AUTS2: variants seen among roughly 807,000 people sequenced by gnomAD.
The protein encoded by AUTS2 is activator of transcription and developmental regulator AUTS2, also known as autism susceptibility gene 2 protein.
AUTS2 carries 17 observed loss-of-function variants against 112.4 expected under a neutral mutation model. The observed-to-expected ratio is 0.15, with a 90% CI of 0.10 to 0.23. The LOEUF (loss-of-function observed/expected upper bound fraction) is 0.23. Ranked by LOEUF, AUTS2 falls within the 10% of genes least tolerant of loss-of-function variation. The pLI is 1.00. For synonymous variants in AUTS2, 751 were observed against 702.7 expected (o/e 1.07, Z -1.09); for missense variants, 1,510 against 1,701.6 (o/e 0.89, Z 1.98).
intron 5 of AUTS2, chr7:70,436,915 T>C (rs1795916548): frequency 6.6e-6 from 1 of 152,244 alleles, no homozygotes. Context: ...CAAATGGTGC[T>C]TATTTGATTT....
At chr7:69,910,785 G>A (rs1349780477) in intron 2 of AUTS2, among the ~76,000 whole-genome samples, 2 of 152,038 alleles carry the variant, frequency 1.3e-5, no homozygotes, top group African/African-American at 2.4e-5. Flanking sequence ...CTGCCACCAC[G>A]CCCAGCGAAT....
intron 6 of AUTS2, among the ~76,000 whole-genome samples, chr7:70,736,722 C>T (rs955302327): frequency 6.6e-6 from 1 of 152,198 alleles, no homozygotes; most frequent in Admixed American, 6.5e-5. Context: ...GAATGAGGAA[C>T]AACAGTGCTG....
intron 4 of AUTS2, among the ~76,000 whole-genome samples, chr7:70,166,537 T>C (rs886724185): frequency 2.0e-5 from 3 of 152,088 alleles, no homozygotes; most frequent in African/African-American, 7.2e-5. Context: ...CATGAAATAG[T>C]ATAATAACAT....
chr7:69,799,375 C>G (rs773632293), intron 1 of AUTS2, among the ~76,000 whole-genome samples: 1 of 152,168 alleles, frequency 6.6e-6, no homozygotes, highest in East Asian at 1.9e-4. Context: ...GTCCTCCCAC[C>G]TCTACCTTCT....
At chr7:70,633,627 A>G (rs896190421) in intron 5 of AUTS2, among the ~76,000 whole-genome samples, 47 of 151,688 alleles carry the variant, frequency 3.1e-4, no homozygotes, top group Middle Eastern at 6.8e-3. Context: ...AAAAAAAAAA[A>G]AAGGACAGAA....
At chr7:70,413,071 G>C (rs1158557449) in intron 4 of AUTS2, among the ~76,000 whole-genome samples, 4 of 152,196 alleles carry the variant, frequency 2.6e-5, no homozygotes, top group Non-Finnish European at 5.9e-5. Context: ...GCCAGCACTG[G>C]GGAACTGGGA....
At chr7:70,252,584 A>C (rs1638829023) in intron 4 of AUTS2, among the ~76,000 whole-genome samples, 1 of 152,036 alleles carries the variant, frequency 6.6e-6, no homozygotes, top group Non-Finnish European at 1.5e-5. Flanking sequence ...TTTTTTTGCC[A>C]TGAAGAAGAT....
chr7:70,256,044 C>G (rs1034642737), intron 4 of AUTS2, among the ~76,000 whole-genome samples: 2 of 152,120 alleles, frequency 1.3e-5, no homozygotes, highest in Non-Finnish European at 2.9e-5. Context: ...TATGGTGTTT[C>G]CATTTGTGGC....
rs1365992412 is a variant in AUTS2, at chr7:70,353,717, C to T, written c.661-82035C>T. On this transcript the variant is annotated intron_variant, in intron 4 of 18. Coordinates refer to ENST00000342771, the MANE Select transcript of AUTS2 (RefSeq NM_015570.4). ...CACTTGAGTCTTTTCTCTGAGCACACACACATGGCCCAGACTCACTGTCAG... is the reference window on the plus strand; with the variant it reads ...CACTTGAGTCTTTTCTCTGAGCACATACACATGGCCCAGACTCACTGTCAG... Among the ~76,000 whole-genome samples the T allele has an allele frequency of 2.0e-5, 3 of 152,196 alleles. No individual in the cohort carries two copies. The East Asian group carries it at 5.8e-4, about 29-fold the overall frequency.
intron 5 of AUTS2, among the ~76,000 whole-genome samples, chr7:70,469,842 G>T (rs1437549099): frequency 6.6e-6 from 1 of 152,148 alleles, no homozygotes; most frequent in Non-Finnish European, 1.5e-5. Flanking sequence ...GTTTTGCCAG[G>T]TTGGCCAGGC....
intron 1 of AUTS2, among the ~76,000 whole-genome samples, chr7:69,621,394 C>T (rs566286932): frequency 2.8e-5 from 4 of 144,490 alleles, no homozygotes; most frequent in South Asian, 2.4e-4. Flanking sequence ...CTACCCCACT[C>T]GCCTCCACTT....
chr7:69,703,145 G>A (rs911703200), intron 1 of AUTS2, among the ~76,000 whole-genome samples: 1 of 152,144 alleles, frequency 6.6e-6, no homozygotes, highest in African/African-American at 2.4e-5. Flanking sequence ...GAGGGTGGAC[G>A]TTTTCATAGG....
Position 69,876,349 on chromosome 7 carries a change from A to AAATAT in AUTS2, c.310-22936_310-22935insATATA, listed in dbSNP as rs1554396465. Among the ~76,000 whole-genome samples the AAATAT allele has an allele frequency of 6.1e-4, 18 of 29,492 alleles. 1 individual carries two copies. Among genetic ancestry groups the AAATAT allele is most frequent in the African/African-American group, 2.2e-3 (15 of 6,824 alleles). 19.3% of individuals were successfully genotyped at this position (29,492 alleles called of 152,430 possible). A position where few individuals can be genotyped will look rare whatever the true frequency, so the allele number is the denominator to read the frequency against. On this transcript the variant is annotated intron_variant, in intron 1 of 18. Transcript: ENST00000342771. ...TCAAAAAAAAAAAAAAAAAAAAAAA[A>AAATAT]ATATATATATATATATATATATATA...
At chr7:69,937,353 A>G (rs1402171525) in intron 2 of AUTS2, among the ~76,000 whole-genome samples, 1 of 152,184 alleles carries the variant, frequency 6.6e-6, no homozygotes, top group East Asian at 1.9e-4. Context: ...CGGAAACCAA[A>G]GATTTCCTTG....
At chr7:70,723,862 C>A (rs1786846911) in intron 6 of AUTS2, among the ~76,000 whole-genome samples, 1 of 151,790 alleles carries the variant, frequency 6.6e-6, no homozygotes, top group Non-Finnish European at 1.5e-5. Flanking sequence ...TGTTTATAGA[C>A]CTTTGCAAGT....
At chr7:70,081,384 C>T (rs1206483693) in intron 2 of AUTS2, among the ~76,000 whole-genome samples, 3 of 114,810 alleles carry the variant, frequency 2.6e-5, no homozygotes, top group Non-Finnish European at 5.2e-5. Flanking sequence ...AACCCCGTCT[C>T]TATAAAAAAA....
intron 1 of AUTS2, among the ~76,000 whole-genome samples, chr7:69,628,029 T>C (rs995807882): frequency 6.6e-6 from 1 of 152,238 alleles, no homozygotes; most frequent in Non-Finnish European, 1.5e-5. Context: ...ATTTCTTGTA[T>C]TGTCCCATGT....
At chr7:70,057,887 C>CT (rs1379645179) in intron 2 of AUTS2, among the ~76,000 whole-genome samples, 1 of 152,188 alleles carries the variant, frequency 6.6e-6, no homozygotes, top group African/African-American at 2.4e-5. Context: ...CCTCTTCCCT[C>CT]TTAAGTTTCC....
intron 5 of AUTS2, among the ~76,000 whole-genome samples, chr7:70,589,452 G>A (rs757493472): frequency 6.6e-6 from 1 of 152,180 alleles, no homozygotes; most frequent in African/African-American, 2.4e-5. Flanking sequence ...GGTGGCTTAC[G>A]CCTATAATCC....
Sources: allele counts gnomAD v4.1 joint callset (sites outside exome capture counted in the v4.1 genomes callset), GRCh38; gene constraint gnomAD v4.1.1; transcripts MANE v1.5; gene names NCBI Gene and HGNC (gene_info 2026-07-23, HGNC 2026-07-21).